Variants in DDAH1 observed in about 807,000 individuals in gnomAD.
The protein encoded by DDAH1 is dimethylarginine dimethylaminohydrolase 1.
A neutral mutation model predicts 28.8 loss-of-function variants in DDAH1; 19 were observed. The ratio of observed to expected loss-of-function variants is 0.66; its 90% CI spans 0.46 to 0.97. DDAH1 has a LOEUF of 0.97. Among genes scored for constraint, DDAH1 ranks in the 50% least tolerant of loss-of-function variants. The pLI is 0.00. For missense variants in DDAH1, 326 were observed against 375.9 expected (o/e 0.87, Z 1.10); for synonymous variants, 153 against 154.4 (o/e 0.99, Z 0.07).
chr1:85,493,464 T>A (rs1656474748), intron 2 of DDAH1: 1 of 152,160 alleles, frequency 6.6e-6, no homozygotes, highest in Non-Finnish European at 1.5e-5. Context: ...TTTAGTACTG[T>A]AAACAAAATT....
intron 2 of DDAH1, among the ~76,000 whole-genome samples, chr1:85,474,434 C>T (rs1319389620): frequency 6.6e-6 from 1 of 152,162 alleles, no homozygotes; most frequent in Non-Finnish European, 1.5e-5. Context: ...ATTCTGATCT[C>T]ATCCCTATTC....
intron 1 of DDAH1, among the ~76,000 whole-genome samples, chr1:85,551,692 G>A (rs1018500388): frequency 5.3e-5 from 8 of 152,214 alleles, no homozygotes; most frequent in African/African-American, 1.7e-4. Context: ...ATGCTAAAAT[G>A]GGACAGATGT....
At chr1:85,550,732 G>A (rs1439962946) in intron 1 of DDAH1, among the ~76,000 whole-genome samples, 1 of 151,682 alleles carries the variant, frequency 6.6e-6, no homozygotes, top group Non-Finnish European at 1.5e-5. Flanking sequence ...AATAACCCAA[G>A]TAAGTAATAA....
chr1:85,374,552 A>C, intron 1 of DDAH1, among the ~76,000 whole-genome samples: 1 of 152,166 alleles, frequency 6.6e-6, no homozygotes, highest in Non-Finnish European at 1.5e-5. Flanking sequence ...CCCATCCCAC[A>C]AATTTAATGT....
intron 1 of DDAH1, among the ~76,000 whole-genome samples, chr1:85,410,828 G>C (rs1330000549): frequency 2.6e-5 from 4 of 152,158 alleles, no homozygotes. Context: ...ATAATTCTTT[G>C]CTTCCCTGCT....
rs372695835 is a variant in DDAH1, at chr1:85,475,840, TGTTC to T, written c.-7+20322_-7+20325del. Among the ~76,000 whole-genome samples the T allele has an allele frequency of 2.0e-4, 31 of 152,168 alleles. No homozygotes were observed. In the East Asian group the frequency reaches 3.5e-3, roughly 17 times the overall value. On this transcript the variant is annotated intron_variant, in intron 2 of 6. Coordinates refer to the DDAH1 transcript ENST00000426972. Reference sequence around the variant, plus strand: ...CTGAGGTGGTTGGGTTTTGTTTGTTTGTTCGTTTGTTTTTGGTTTTGGTTTTTTC... The same window carrying T: ...CTGAGGTGGTTGGGTTTTGTTTGTTTGTTTGTTTTTGGTTTTGGTTTTTTC...
chr1:85,566,448 C>T (rs1331320019), intron 1 of DDAH1, among the ~76,000 whole-genome samples: 1 of 146,938 alleles, frequency 6.8e-6, no homozygotes, highest in Non-Finnish European at 1.5e-5. Flanking sequence ...GCCAAGATCG[C>T]ACCACTGCAC....
chr1:85,556,061 G>A (rs529016287), intron 1 of DDAH1, among the ~76,000 whole-genome samples: 2,590 of 151,416 alleles, frequency 0.017, 29 homozygotes, highest in Non-Finnish European at 0.029. Flanking sequence ...TGCGGCCACC[G>A]CCACCACCAC....
intron 2 of DDAH1, among the ~76,000 whole-genome samples, chr1:85,487,208 T>C (rs544661840): frequency 1.8e-4 from 28 of 152,352 alleles, no homozygotes; most frequent in African/African-American, 5.5e-4. Flanking sequence ...GGAGAAGGTG[T>C]CACTCTCAGG....
At position 85,507,568 on chromosome 1, in the gene DDAH1, A is replaced by G. The variant is rs550472912; in HGVS notation, c.-122-11287T>C. Among the ~76,000 whole-genome samples, 89 of 147,774 alleles carry G rather than the reference A, an allele frequency of 6.0e-4. 1 individual carries two copies. In the South Asian group the frequency reaches 0.017, roughly 27 times the overall value. On this transcript the variant is annotated intron_variant, in intron 1 of 6. Coordinates refer to the DDAH1 transcript ENST00000426972. ...ATCTCCTAAAAATAAGAATTTTCTT[A>G]TACATAATTGCAATGTCATTATCAT... is the stretch of plus-strand genomic sequence containing the variant.
chr1:85,499,069 C>T (rs549413885), intron 1 of DDAH1, among the ~76,000 whole-genome samples: 28 of 151,848 alleles, frequency 1.8e-4, no homozygotes, highest in African/African-American at 5.3e-4. Context: ...ACCTCAACAT[C>T]GAACAAAACA....
chr1:85,484,103 A>C (rs1656108959), intron 2 of DDAH1, among the ~76,000 whole-genome samples: 1 of 152,004 alleles, frequency 6.6e-6, no homozygotes, highest in Non-Finnish European at 1.5e-5. Flanking sequence ...TTCTCAGTAC[A>C]TTTTAAAGGT....
chr1:85,474,721 G>A (rs1200221944), intron 2 of DDAH1, among the ~76,000 whole-genome samples: 1 of 152,184 alleles, frequency 6.6e-6, no homozygotes, highest in East Asian at 1.9e-4. Context: ...GAGAATGGCT[G>A]AATTAAAGCA....
chr1:85,433,888 A>G (rs1428298858), intron 1 of DDAH1, among the ~76,000 whole-genome samples: 1 of 152,188 alleles, frequency 6.6e-6, no homozygotes, highest in African/African-American at 2.4e-5. Flanking sequence ...AATGTTCTTG[A>G]TATTTGATTT....
At chr1:85,538,740 G>A (rs1658372299) in intron 1 of DDAH1, among the ~76,000 whole-genome samples, 1 of 152,178 alleles carries the variant, frequency 6.6e-6, no homozygotes, top group Non-Finnish European at 1.5e-5. Context: ...CAAAAAGATG[G>A]CAGTCAAATG....
Position 85,549,139 on chromosome 1 carries a change from T to C in DDAH1, c.-123+28845A>G, listed in dbSNP as rs80316068. ...AAAACTGTCACTCTGTATGAAAGCA[T>C]GGGTTTTCATAAAGGTTTTTAGTCA... On this transcript the variant is annotated intron_variant, in intron 1 of 6. Coordinates refer to the DDAH1 transcript ENST00000426972. Among the ~76,000 whole-genome samples the C allele has an allele frequency of 2.6e-3, 398 of 152,320 alleles. 4 individuals are homozygous for C. In the East Asian group the frequency reaches 0.04, roughly 15 times the overall value.
chr1:85,415,358 A>T (rs1652845749), intron 1 of DDAH1, among the ~76,000 whole-genome samples: 1 of 152,156 alleles, frequency 6.6e-6, no homozygotes, highest in Non-Finnish European at 1.5e-5. Context: ...TAAATGCTTG[A>T]AAGCTATTTC....
At chr1:85,503,542 T>TATCTATCTATC (rs1656899308) in intron 1 of DDAH1, among the ~76,000 whole-genome samples, 1 of 149,184 alleles carries the variant, frequency 6.7e-6, no homozygotes, top group African/African-American at 2.4e-5. Context: ...TCTATCTATC[T>TATCTATCTATC]ATCTATCTAT....
chr1:85,544,886 C>T (rs1335332622), intron 1 of DDAH1, among the ~76,000 whole-genome samples: 1 of 152,160 alleles, frequency 6.6e-6, no homozygotes, highest in Non-Finnish European at 1.5e-5. Flanking sequence ...CCTATTCACC[C>T]TGTCACACCC....
Sources: allele counts gnomAD v4.1 joint callset (sites outside exome capture counted in the v4.1 genomes callset), GRCh38; gene constraint gnomAD v4.1.1; transcripts MANE v1.5; gene names NCBI Gene and HGNC (gene_info 2026-07-23, HGNC 2026-07-21).